Variants in MAX observed in about 807,000 individuals in gnomAD.
MAX encodes MYC associated transcriptional regulator X, also known as protein max.
Under a neutral mutation model 22.3 loss-of-function variants are expected in MAX, and 3 were observed. That is an observed-to-expected ratio of 0.13 (90% CI 0.06 to 0.35). The LOEUF is 0.35. MAX is among the 10% of genes least tolerant of loss of function. The pLI is 1.00. For missense variants in MAX, 119 were observed against 209.4 expected (o/e 0.57, Z 2.66); for synonymous variants, 72 against 77.7 (o/e 0.93, Z 0.39).
chr14:65,065,217 G>A (rs977555371), intron 3 of MAX, among the ~76,000 whole-genome samples: 2 of 152,196 alleles, frequency 1.3e-5, no homozygotes, highest in Non-Finnish European at 2.9e-5. Flanking sequence ...CTACCTAGAA[G>A]GAAACCAGCG....
In MAX at chr14:65,044,587, C is replaced by A; in HGVS notation, c.172-38303G>T. On this transcript the variant is annotated intron_variant, in intron 3 of 3. Coordinates refer to the MAX transcript ENST00000341653. The surrounding 1 kb of genome is among the most constrained non-coding windows in gnomAD (Gnocchi z 5.5). Reference sequence around the variant, plus strand: ...TGAGTGCCCAGTGTGGAACCTCATGCCGTGGGGCATGCGAATGCAGAGTAA... The same window carrying A: ...TGAGTGCCCAGTGTGGAACCTCATGACGTGGGGCATGCGAATGCAGAGTAA... The A allele has an allele frequency of 8.2e-7, 1 of 1,224,910 alleles. No homozygotes were observed. Among genetic ancestry groups the A allele is most frequent in the Non-Finnish European group, 1.1e-6 (1 of 913,714 alleles). 75.9% of individuals were successfully genotyped at this position (1,224,910 alleles called of 1,614,324 possible).
chr14:65,057,257 T>G (rs1336818590), intron 3 of MAX, among the ~76,000 whole-genome samples: 1 of 152,152 alleles, frequency 6.6e-6, no homozygotes, highest in Non-Finnish European at 1.5e-5. Context: ...GTTTTTGGTG[T>G]TTTTTTGTTA....
rs956942799 is a variant in MAX at position 65,069,174 on chromosome 14, A to G, written c.171+24534T>C. 6.6e-6 allele frequency among the ~76,000 whole-genome samples: 1 copy of G among 152,170 alleles called. No homozygotes were observed. The highest frequency in any genetic ancestry group is 2.1e-4 in the South Asian group (1 of 4,830). Reference sequence around the variant, plus strand: ...TGCCTGGATACCAAGGGACCAGTGAAAGTGGTGGAATAGAATCGTGACCCA... The same window carrying G: ...TGCCTGGATACCAAGGGACCAGTGAGAGTGGTGGAATAGAATCGTGACCCA... On this transcript the variant is annotated intron_variant, in intron 3 of 3. Transcript: ENST00000341653. The surrounding 1 kb of genome is among the most constrained non-coding windows in gnomAD (Gnocchi z 4.6).
At chr14:65,035,804 G>A (rs1377940626) in intron 3 of MAX, among the ~76,000 whole-genome samples, 2 of 151,720 alleles carry the variant, frequency 1.3e-5, no homozygotes, top group African/African-American at 4.8e-5. Flanking sequence ...AAAGTTCAAG[G>A]ATTACAGGCA....
downstream of MAX, among the ~76,000 whole-genome samples, chr14:65,074,217 G>C (rs2063016049): frequency 6.6e-6 from 1 of 152,172 alleles, no homozygotes; most frequent in African/African-American, 2.4e-5. Flanking sequence ...TTAACCTTGA[G>C]GGCTTTAGGC....
chr14:65,083,999 AGGTT>A (rs2139796675), intron 3 of MAX: 1 of 1,490,818 alleles, frequency 6.7e-7, no homozygotes, highest in African/African-American at 1.4e-5. Context: ...GGAGGCTGGA[AGGTT>A]GTAAGGCCAG....
Position 65,062,875 on chromosome 14 carries a change from G to A in MAX, c.171+30833C>T, listed in dbSNP as rs2062889935. On this transcript the variant is annotated intron_variant, in intron 3 of 3. Transcript: ENST00000341653. The surrounding 1 kb of genome is among the most constrained non-coding windows in gnomAD (Gnocchi z 4.3). The stretch of plus-strand genomic sequence containing the variant: ...AGAGATGTTTTCCAAGCTCCCTGGG[G>A]TAATTCGGTATGCTATGTCCCAGCC... Among the ~76,000 whole-genome samples the A allele has an allele frequency of 6.6e-6, 1 of 152,204 alleles. No individual in the cohort carries two copies. The highest frequency in any genetic ancestry group is 2.4e-5 in the African/African-American group (1 of 41,456).
intron 3 of MAX, among the ~76,000 whole-genome samples, chr14:65,008,002 G>GC (rs1351255439): frequency 6.6e-6 from 1 of 152,178 alleles, no homozygotes; most frequent in Non-Finnish European, 1.5e-5. Flanking sequence ...CACCAGCTTA[G>GC]CTCCCGTGTT....
chr14:65,061,951 CGCTTGGTGCACAGGCAAGACTT>C (rs1225193745), intron 3 of MAX: 18 of 152,554 alleles, frequency 1.2e-4, no homozygotes, highest in African/African-American at 4.1e-4. Context: ...TCCAAGGCCA[CGCTTGGTGCACAGGCAAGACTT>C]GCTTCAGCCC....
chr14:65,041,794 T>C (rs1479095317), intron 3 of MAX, among the ~76,000 whole-genome samples: 1 of 152,188 alleles, frequency 6.6e-6, no homozygotes, highest in African/African-American at 2.4e-5. Flanking sequence ...CAACTTTGTA[T>C]GCTGAACTTA....
intron 3 of MAX, among the ~76,000 whole-genome samples, chr14:65,024,062 A>T (rs1187685028): frequency 6.6e-6 from 1 of 151,696 alleles, no homozygotes; most frequent in East Asian, 1.9e-4. Flanking sequence ...AGATCGCTCA[A>T]CTGCACTCCA....
At chr14:65,041,155 G>A (rs139524606) in intron 3 of MAX, among the ~76,000 whole-genome samples, 2 of 152,308 alleles carry the variant, frequency 1.3e-5, no homozygotes, top group East Asian at 3.9e-4. Context: ...GTGTGCTGCA[G>A]ACATCTGGTG....
downstream of MAX, among the ~76,000 whole-genome samples, chr14:65,071,873 T>C (rs560114788): frequency 9.8e-4 from 150 of 152,370 alleles, 1 homozygote; most frequent in Non-Finnish European, 1.7e-3. This position sits in a 1 kb window ranked among gnomAD's most constrained non-coding sequence, Gnocchi z 4.2. Context: ...CACCCAGTCC[T>C]ACCTATAGTT....
intron 3 of MAX, among the ~76,000 whole-genome samples, chr14:65,046,963 A>G (rs949885874): frequency 6.6e-6 from 1 of 152,232 alleles, no homozygotes; most frequent in South Asian, 2.1e-4. Context: ...CAAAACAAGC[A>G]AAAAGGTGCG....
chr14:65,032,741 G>A lies in MAX; in HGVS notation c.172-26457C>T. The A allele has an allele frequency of 6.3e-7, 1 of 1,580,968 alleles. No homozygotes were observed. Among genetic ancestry groups the A allele is most frequent in the Non-Finnish European group, 8.6e-7 (1 of 1,161,130 alleles). Reference sequence around the variant, plus strand: ...CTCCTGGCCTCTTGGAGAGCAGGCGGTCACGACACTACTTCAGAAAAATAA... The same window carrying A: ...CTCCTGGCCTCTTGGAGAGCAGGCGATCACGACACTACTTCAGAAAAATAA... On this transcript the variant is annotated intron_variant, in intron 3 of 3. Transcript: ENST00000341653. The surrounding 1 kb of genome is among the most constrained non-coding windows in gnomAD (Gnocchi z 5.0).
chr14:65,027,776 T>C lies in MAX; in HGVS notation c.172-21492A>G. On this transcript the variant is annotated intron_variant, in intron 3 of 3. Transcript: ENST00000341653. The surrounding 1 kb of genome is among the most constrained non-coding windows in gnomAD (Gnocchi z 5.7). ...TCATGCATGTCGGAGGTGAGGTGGA[T>C]GTGAGGTGAGTGGGGTTTTGCACAG... The C allele has an allele frequency of 6.2e-7, 1 of 1,614,092 alleles. No homozygotes were observed. Among genetic ancestry groups the C allele is most frequent in the Non-Finnish European group, 8.5e-7 (1 of 1,180,016 alleles).
At position 65,027,648 on chromosome 14, in the gene MAX, G is replaced by C; in HGVS notation, c.172-21364C>G. On this transcript the variant is annotated intron_variant, in intron 3 of 3. Coordinates refer to the MAX transcript ENST00000341653. The surrounding 1 kb of genome is among the most constrained non-coding windows in gnomAD (Gnocchi z 5.7). ...AGAAACCTAGAGGAGTTCCCCGCCT[G>C]CTGACACGCACTGACTGTTGCCTCT... The C allele has an allele frequency of 1.2e-6, 2 of 1,614,058 alleles. No individual in the cohort carries two copies. Among genetic ancestry groups the C allele is most frequent in the Non-Finnish European group, 1.7e-6 (2 of 1,179,940 alleles).
intron 3 of MAX, among the ~76,000 whole-genome samples, chr14:65,048,284 A>G (rs2062530457): frequency 6.6e-6 from 1 of 151,840 alleles, no homozygotes; most frequent in Non-Finnish European, 1.5e-5. Context: ...TACCTGGCCA[A>G]CTTTTTAGAT....
chr14:65,033,789 G>A (rs538774930), intron 3 of MAX, among the ~76,000 whole-genome samples: 126 of 152,226 alleles, frequency 8.3e-4, no homozygotes, highest in African/African-American at 2.9e-3. Flanking sequence ...CCCAGGAGGC[G>A]GAGCTTGCAG....
Sources: gnomAD v4.1 joint callset for allele counts (sites outside exome capture counted in the v4.1 genomes callset) on GRCh38, gnomAD v4.1.1 for gene constraint, Gnocchi (gnomAD v3.1) non-coding constraint, MANE v1.5 for transcripts, NCBI Gene and HGNC (gene_info 2026-07-23, HGNC 2026-07-21) for gene names.